The following KCNH7 variants were observed in gnomAD, a reference collection of about 807,000 sequenced individuals.
KCNH7 encodes voltage-gated inwardly rectifying potassium channel KCNH7.
In KCNH7, 49 loss-of-function variants were observed where a neutral mutation model predicts 120.8. The observed-to-expected ratio is 0.41, with a 90% confidence interval of 0.32 to 0.51. KCNH7 has a LOEUF of 0.51. Among genes scored for constraint, KCNH7 ranks in the 20% least tolerant of loss-of-function variants. The pLI, the probability that KCNH7 is intolerant of heterozygous loss-of-function variation, is 0.38. For missense variants in KCNH7, 1,097 were observed against 1,446.6 expected (o/e 0.76, Z 3.92); for synonymous variants, 547 against 516.1 (o/e 1.06, Z -0.81).
At chr2:162,442,643 G>T (rs1688459925) in intron 7 of KCNH7, among the ~76,000 whole-genome samples, 1 of 152,002 alleles carries the variant, frequency 6.6e-6, no homozygotes, top group African/African-American at 2.4e-5. Context: ...CAGATCACTT[G>T]AGCTCAGAGT....
At chr2:162,581,991 GGAA>G (rs1192046993) in intron 2 of KCNH7, among the ~76,000 whole-genome samples, 1 of 152,078 alleles carries the variant, frequency 6.6e-6, no homozygotes, top group Non-Finnish European at 1.5e-5. Context: ...AGTGTCTGCA[GGAA>G]GACCTGGGGA....
chr2:162,595,168 C>T (rs1026998978), intron 2 of KCNH7, among the ~76,000 whole-genome samples: 1 of 152,020 alleles, frequency 6.6e-6, no homozygotes, highest in East Asian at 1.9e-4. Flanking sequence ...AGGAAACTTA[C>T]AATCATGGCA....
At chr2:162,751,868 A>C (rs1190319233) in intron 2 of KCNH7, among the ~76,000 whole-genome samples, 1 of 152,056 alleles carries the variant, frequency 6.6e-6, no homozygotes. Context: ...ATAAAATATT[A>C]TCTCAAAAAT....
At chr2:162,788,988 T>TAAAAAAAAAAAAAAAAAAAAAA (rs61348204) in intron 2 of KCNH7, among the ~76,000 whole-genome samples, 2 of 105,164 alleles carry the variant, frequency 1.9e-5, no homozygotes, top group Non-Finnish European at 3.8e-5. Context: ...AGGTACTGGT[T>TAAAAAAAAAAAAAAAAAAAAAA]AAAAAAAAAA....
At chr2:162,698,158 A>C (rs1686361335) in intron 2 of KCNH7, among the ~76,000 whole-genome samples, 1 of 152,160 alleles carries the variant, frequency 6.6e-6, no homozygotes. Flanking sequence ...TTAACTTCAA[A>C]TCCATAAAAC....
At chr2:162,503,260 T>A (rs1690750928) in intron 6 of KCNH7, among the ~76,000 whole-genome samples, 1 of 152,034 alleles carries the variant, frequency 6.6e-6, no homozygotes, top group Non-Finnish European at 1.5e-5. Context: ...ATGGTAGGAA[T>A]CTATAAATAA....
intron 2 of KCNH7, among the ~76,000 whole-genome samples, chr2:162,737,685 AT>A: frequency 6.6e-6 from 1 of 152,276 alleles, no homozygotes; most frequent in Middle Eastern, 3.4e-3. Context: ...GTCCAAAACA[AT>A]TTTGGTTTCT....
intron 2 of KCNH7, among the ~76,000 whole-genome samples, chr2:162,553,491 T>C (rs1692750981): frequency 6.6e-6 from 1 of 151,872 alleles, no homozygotes; most frequent in Admixed American, 6.6e-5. Context: ...CTACTAAAAA[T>C]ACAAAAAATT....
At chr2:162,820,126 G>A (rs1291759173) in intron 2 of KCNH7, among the ~76,000 whole-genome samples, 1 of 133,220 alleles carries the variant, frequency 7.5e-6, no homozygotes, top group Non-Finnish European at 1.5e-5. Flanking sequence ...TGCAAATTCC[G>A]CCTCCTGGGT....
chr2:162,835,405 T>C (rs1685627139), intron 2 of KCNH7, among the ~76,000 whole-genome samples: 1 of 152,052 alleles, frequency 6.6e-6, no homozygotes, highest in Non-Finnish European at 1.5e-5. Flanking sequence ...GATGAGTCAT[T>C]ATATGATATA....
At chr2:162,779,842 A>T (rs1683408924) in intron 2 of KCNH7, among the ~76,000 whole-genome samples, 1 of 152,126 alleles carries the variant, frequency 6.6e-6, no homozygotes, top group African/African-American at 2.4e-5. Context: ...TCTCACTTTA[A>T]TTAATCTCTC....
At chr2:162,439,249 T>G (rs898410132) in intron 7 of KCNH7, among the ~76,000 whole-genome samples, 1 of 152,136 alleles carries the variant, frequency 6.6e-6, no homozygotes, top group Non-Finnish European at 1.5e-5. Context: ...TCTTAAACTT[T>G]TCACTGGTAT....
chr2:162,371,939 T>C lies in KCNH7; in HGVS notation c.3481A>G (p.Thr1161Ala). The C allele has an allele frequency of 1.2e-6, 2 of 1,613,902 alleles. No individual in the cohort carries two copies. Among genetic ancestry groups the C allele is most frequent in the Non-Finnish European group, 1.7e-6 (2 of 1,179,888 alleles). ...GGATGCCTAATTGGATGAACGTAAG[T>C]TTTTCTTTGCCGCAGGTGAAGCTCT... ...SLELHLRQRK[T>A]YVHPIRHPSL... The change falls in exon 16 of 16, where the codon ACT (threonine) becomes GCT (alanine). Residue 1161 changes from threonine (T) to alanine (A), a missense_variant. Around this residue, in one of 8 missense-constraint regions of KCNH7, gnomAD observed 406 missense variants for 410.5 expected, o/e 0.99. Transcript: ENST00000332142.
At chr2:162,677,174 G>T (rs972382121) in intron 2 of KCNH7, among the ~76,000 whole-genome samples, 1 of 151,288 alleles carries the variant, frequency 6.6e-6, no homozygotes, top group Non-Finnish European at 1.5e-5. Flanking sequence ...AGAGATTTGG[G>T]AATATATACC....
chr2:162,548,161 A>T (rs1200577538), intron 2 of KCNH7, among the ~76,000 whole-genome samples: 2 of 152,214 alleles, frequency 1.3e-5, no homozygotes, highest in African/African-American at 4.8e-5. Flanking sequence ...CTGGAAAATT[A>T]GTGAGAATAG....
At chr2:162,633,666 CT>C (rs1425497344) in intron 2 of KCNH7, among the ~76,000 whole-genome samples, 2 of 151,684 alleles carry the variant, frequency 1.3e-5, no homozygotes, top group Non-Finnish European at 2.9e-5. Flanking sequence ...GCAGGTGACC[CT>C]TTTTCTATGT....
At chr2:162,643,212 C>A (rs1003596597) in intron 2 of KCNH7, among the ~76,000 whole-genome samples, 6 of 151,576 alleles carry the variant, frequency 4.0e-5, no homozygotes, top group African/African-American at 1.5e-4. Flanking sequence ...TTGTATCAAG[C>A]AGGGCAGCAG....
chr2:162,745,687 A>G (rs1230715095), intron 2 of KCNH7, among the ~76,000 whole-genome samples: 1 of 152,110 alleles, frequency 6.6e-6, no homozygotes, highest in East Asian at 1.9e-4. Flanking sequence ...GCAGTATACC[A>G]CTTTCTACTT....
chr2:162,820,033 C>CT (rs66809770), intron 2 of KCNH7, among the ~76,000 whole-genome samples: 5,574 of 76,640 alleles, frequency 0.073, 600 homozygotes, highest in African/African-American at 0.21. Context: ...ATTCCATAAA[C>CT]TTTTTTTTTT....
Sources: allele counts gnomAD v4.1 joint callset (sites outside exome capture counted in the v4.1 genomes callset), GRCh38; gene constraint gnomAD v4.1.1; regional missense constraint gnomAD v4.1.1; transcripts MANE v1.5; gene names NCBI Gene and HGNC (gene_info 2026-07-23, HGNC 2026-07-21).